Variants in ZNF701 observed in about 807,000 individuals in gnomAD.
ZNF701 encodes zinc finger protein 701.
Under a neutral mutation model 7.1 loss-of-function variants are expected in ZNF701, and 6 were observed. The ratio of observed to expected loss-of-function variants is 0.84; its 90% CI spans 0.46 to 1.66. ZNF701 has a LOEUF of 1.66. Among genes scored for constraint, ZNF701 ranks in the 40% most tolerant of loss-of-function variants. The pLI is 0.01. For missense variants in ZNF701, 541 were observed against 559.2 expected (o/e 0.97, Z 0.33); for synonymous variants, 166 against 188.2 (o/e 0.88, Z 0.97).
rs895612665 is a variant in ZNF701, at chr19:52,586,417, T to G, written c.*2960T>G. The stretch of plus-strand genomic sequence containing the variant: ...TCATGCCTGTCATCCCAGCACTTTG[T>G]GAGGCCGATTCTCCTCTATCCAGGA... On this transcript the variant is annotated 3_prime_UTR_variant, in exon 4 of 4. Coordinates refer to ENST00000391785, the MANE Select transcript of ZNF701 (RefSeq NM_018260.3). The G allele has an allele frequency of 2.0e-5, 3 of 152,110 alleles. No homozygotes were observed. The highest frequency in any genetic ancestry group is 4.4e-5 in the Non-Finnish European group (3 of 68,040). 9.4% of individuals were successfully genotyped at this position (152,110 alleles called of 1,614,324 possible). A position where few individuals can be genotyped will look rare whatever the true frequency, so the allele number is the denominator to read the frequency against.
chr19:52,583,628 T>G lies in ZNF701; in HGVS notation c.*171T>G. The G allele has an allele frequency of 7.7e-7, 1 of 1,301,624 alleles. No homozygotes were observed. Among genetic ancestry groups the G allele is most frequent in the Non-Finnish European group, 1.1e-6 (1 of 896,400 alleles). 80.6% of individuals were successfully genotyped at this position (1,301,624 alleles called of 1,614,324 possible). On this transcript the variant is annotated 3_prime_UTR_variant, in exon 4 of 4. Transcript: ENST00000391785. ...ATACTGGAGAGAAACCATACAAATG[T>G]AAGGTTTGTGACAAGGATTTCGGGT... is the stretch of plus-strand genomic sequence containing the variant.
At chr19:52,599,121 G>A in the ZNF701 span, among the ~76,000 whole-genome samples, 4 of 151,426 alleles carry the variant, frequency 2.6e-5, no homozygotes, top group South Asian at 2.1e-4. Flanking sequence ...TCCGTCTCCC[G>A]AGTTCAAGCG....
chr19:52,580,609 T>G (rs536863190), intron 3 of ZNF701, among the ~76,000 whole-genome samples: 3 of 152,352 alleles, frequency 2.0e-5, no homozygotes, highest in African/African-American at 7.2e-5. Flanking sequence ...TGTATTTCAA[T>G]TCTTATGTTG....
chr19:52,594,988 C>CT, the ZNF701 span, among the ~76,000 whole-genome samples: 1 of 151,474 alleles, frequency 6.6e-6, no homozygotes, highest in South Asian at 2.1e-4. Flanking sequence ...TGACTGAACT[C>CT]TTTTTTTCTG....
intron 1 of ZNF701, chr19:52,572,723 C>T: frequency 2.8e-6 from 1 of 353,758 alleles, no homozygotes; most frequent in South Asian, 2.2e-5. Flanking sequence ...CTGTGTTCCC[C>T]AGGACAAAAG....
At position 52,586,930 on chromosome 19, in the gene ZNF701, G is replaced by C. The variant is rs756828265; in HGVS notation, c.*3473G>C. The C allele has an allele frequency of 2.6e-5, 4 of 152,254 alleles. No individual in the cohort carries two copies. Among genetic ancestry groups the C allele is most frequent in the South Asian group, 2.1e-4 (1 of 4,824 alleles). The allele number at this position is 152,254 out of a possible 1,614,324, so 9.4% of individuals were successfully genotyped here. On this transcript the variant is annotated 3_prime_UTR_variant, in exon 4 of 4. Transcript: ENST00000391785. ...GGCTTTGACCCACCTACATGGCTCC[G>C]TGTCCCCTGCAGGCCTCGCCCCGGA... is the stretch of plus-strand genomic sequence containing the variant.
chr19:52,591,649 T>A (rs139884649), downstream of ZNF701, among the ~76,000 whole-genome samples: 48 of 152,050 alleles, frequency 3.2e-4, 2 homozygotes, highest in East Asian at 8.7e-3. Context: ...CCACCACACC[T>A]GTGTTCAAGC....
rs2060012242 is a variant in ZNF701, at chr19:52,586,430, C to G, written c.*2973C>G. On this transcript the variant is annotated 3_prime_UTR_variant, in exon 4 of 4. Transcript: ENST00000391785. ...CCCAGCACTTTGTGAGGCCGATTCT[C>G]CTCTATCCAGGAGACGGGTTTCACC... The G allele has an allele frequency of 6.6e-6, 1 of 152,102 alleles. No homozygotes were observed. The highest frequency in any genetic ancestry group is 2.1e-4 in the South Asian group (1 of 4,822). The allele number at this position is 152,102 out of a possible 1,614,324, so 9.4% of individuals were successfully genotyped here.
chr19:52,597,229 G>A, the ZNF701 span: 1,152 of 551,476 alleles, frequency 2.1e-3, 17 homozygotes, highest in African/African-American at 0.02. Context: ...GCAAAACATA[G>A]GAGAATTCAT....
At position 52,582,406 on chromosome 19, in the gene ZNF701, C is replaced by T. The variant is rs366793; in HGVS notation, c.347C>T (p.Thr116Ile). Residue 116 changes from threonine (T) to isoleucine (I), a missense_variant, in exon 4 of 4, where the codon ACC becomes ATC. Thr to Ile is a moderately conservative substitution (Grantham distance 89). Transcript: ENST00000391785. The stretch of plus-strand genomic sequence containing the variant: ...GGCCATGAAGCACTCATGACAAAAA[C>T]CAAAAAGTTGATGAGTAGTACAGAG... The part of the protein sequence containing the change: ...TNGHEALMTK[T>I]KKLMSSTERH... 0.72 allele frequency: 1,155,695 copies of T among 1,612,346 alleles called. 416,180 individuals carry two copies. The highest frequency in any genetic ancestry group is 0.73 in the Non-Finnish European group (864,997 of 1,179,134).
downstream of ZNF701, among the ~76,000 whole-genome samples, chr19:52,587,378 T>C (rs1370236995): frequency 2.0e-5 from 3 of 152,152 alleles, no homozygotes; most frequent in Non-Finnish European, 4.4e-5. Flanking sequence ...TACAGGCCTC[T>C]TTCCTTTTTC....
At chr19:52,578,846 C>T (rs2059955463) in intron 3 of ZNF701, among the ~76,000 whole-genome samples, 1 of 152,092 alleles carries the variant, frequency 6.6e-6, no homozygotes, top group Non-Finnish European at 1.5e-5. Flanking sequence ...CAAGCTCCAC[C>T]TCCCGGGTTC....
chr19:52,581,641 T>A (rs1480118376), intron 3 of ZNF701, among the ~76,000 whole-genome samples: 1 of 152,046 alleles, frequency 6.6e-6, no homozygotes, highest in Non-Finnish European at 1.5e-5. Flanking sequence ...GCCGCTTGAG[T>A]AGCTGGGACT....
At chr19:52,595,832 A>G in the ZNF701 span, 1 of 1,611,292 alleles carries the variant, frequency 6.2e-7, no homozygotes. Context: ...CAAAGAGTTG[A>G]CAGGTAGTAC....
At chr19:52,582,115 T>G in intron 3 of ZNF701, 87 bp from the exon 4 acceptor site, 3 of 1,184,102 alleles carry the variant, frequency 2.5e-6, no homozygotes, top group Non-Finnish European at 3.5e-6. Context: ...TTAAAATAAG[T>G]ATTGTTTTTT....
chr19:52,585,614 C>T lies in ZNF701; in HGVS notation c.*2157C>T, dbSNP rs900866406. On this transcript the variant is annotated 3_prime_UTR_variant, in exon 4 of 4. Coordinates refer to ENST00000391785, the MANE Select transcript of ZNF701 (RefSeq NM_018260.3). ...GAAGCGGCGAAAGCAGAAATTTACT[C>T]AACCAAGAAAGCACCCCACAGGGTG... 6.6e-6 allele frequency: 1 copy of T among 151,526 alleles called. No individual in the cohort carries two copies. Among genetic ancestry groups the T allele is most frequent in the Non-Finnish European group, 1.5e-5 (1 of 67,932 alleles). 9.4% of individuals were successfully genotyped at this position (151,526 alleles called of 1,614,324 possible).
At chr19:52,570,631 C>T (rs34106830) in intron 1 of ZNF701, 12,179 of 152,326 alleles carry the variant, frequency 0.08, 551 homozygotes, top group Middle Eastern at 0.16. Context: ...AAGTCCTCAC[C>T]CGAGATGTGT....
chr19:52,582,700 CT>C lies in ZNF701; in HGVS notation c.644del (p.Phe215SerfsTer16). The C allele has an allele frequency of 6.2e-7, 1 of 1,614,140 alleles. No individual in the cohort carries two copies. Among genetic ancestry groups the C allele is most frequent in the Middle Eastern group, 1.6e-4 (1 of 6,062 alleles). Reference sequence around the variant, plus strand: ...CGGGAAGTACACACAAGAGAAAAATCTTTCCAACGTAATGAGAGTGGCAAAG... The same window carrying C: ...CGGGAAGTACACACAAGAGAAAAATCTTCCAACGTAATGAGAGTGGCAAAG... ...QKREVHTREK[S>X]FQRNESGKAF... On this transcript the variant is annotated frameshift_variant, in exon 4 of 4. Transcript: ENST00000391785. LOFTEE classifies it low-confidence loss of function (END_TRUNC).
intron 3 of ZNF701, among the ~76,000 whole-genome samples, chr19:52,580,908 G>C (rs2059971168): frequency 9.9e-6 from 1 of 100,746 alleles, no homozygotes; most frequent in Non-Finnish European, 2.6e-5. Context: ...TGGATCACCT[G>C]AGGTCAGGTG....
Sources: gnomAD v4.1 joint callset for allele counts (sites outside exome capture counted in the v4.1 genomes callset) on GRCh38, gnomAD v4.1.1 for gene constraint, MANE v1.5 for transcripts, NCBI Gene and HGNC (gene_info 2026-07-23, HGNC 2026-07-21) for gene names.